The following FANCB variants were observed in gnomAD, a reference collection of about 807,000 sequenced individuals.
FANCB encodes Fanconi anemia group B protein.
In FANCB, 5 loss-of-function variants were observed where a neutral mutation model predicts 38.9. The ratio of observed to expected loss-of-function variants is 0.13; its 90% CI spans 0.07 to 0.27. FANCB has a LOEUF of 0.27. Ranked by LOEUF, FANCB falls within the 10% of genes least tolerant of loss-of-function variation. FANCB has a pLI of 1.00. For missense variants in FANCB, 573 were observed against 602.7 expected, an observed-to-expected ratio of 0.95 and a Z score of 0.52; for synonymous variants, 236 against 215.4, an observed-to-expected ratio of 1.10 and a Z score of -0.84.
At chrX:14,733,528 C>T in the FANCB span, among the ~76,000 whole-genome samples, 1 of 111,455 alleles carries the variant, frequency 9.0e-6, no homozygotes, top group Non-Finnish European at 1.9e-5. Flanking sequence ...CATTTGTGTC[C>T]TCTCTCATTT....
the FANCB span, among the ~76,000 whole-genome samples, chrX:14,796,661 T>C: frequency 0.23 from 19,731 of 87,473 alleles, 1,859 homozygotes; most frequent in Middle Eastern, 0.32. Context: ...AGTGCATATA[T>C]ACACACACAC....
the FANCB span, among the ~76,000 whole-genome samples, chrX:14,743,572 CTTTCTT>C: frequency 1.4e-5 from 1 of 70,201 alleles, no homozygotes; most frequent in East Asian, 3.2e-4. Context: ...TTGTGTATTT[CTTTCTT>C]TTTTTTTTTT....
intron 1 of FANCB, among the ~76,000 whole-genome samples, chrX:14,870,359 G>A (rs988305391): frequency 2.7e-5 from 3 of 110,792 alleles, no homozygotes; most frequent in Non-Finnish European, 5.7e-5. Context: ...TACTATTCTA[G>A]CCTATGGGCT....
the FANCB span, among the ~76,000 whole-genome samples, chrX:14,727,842 C>T: frequency 9.0e-6 from 1 of 111,599 alleles, no homozygotes; most frequent in Admixed American, 9.5e-5. Context: ...TTTAGTTTGG[C>T]CCCTTCCACC....
chrX:14,766,726 T>C, the FANCB span, among the ~76,000 whole-genome samples: 2 of 110,627 alleles, frequency 1.8e-5, no homozygotes, highest in African/African-American at 6.6e-5. Flanking sequence ...GTGCAGGATG[T>C]GCAGGTTTGT....
At chrX:14,836,973 A>C (rs749306796) in intron 10 of FANCB, among the ~76,000 whole-genome samples, 46 of 112,135 alleles carry the variant, frequency 4.1e-4, no homozygotes, top group African/African-American at 1.5e-3. Context: ...AAAACCAACA[A>C]GAGTCTTAAA....
intron 2 of FANCB, among the ~76,000 whole-genome samples, chrX:14,866,298 G>A (rs952551146): frequency 1.8e-5 from 2 of 112,041 alleles, no homozygotes; most frequent in Non-Finnish European, 3.8e-5. Flanking sequence ...TTATTACAAT[G>A]AACACAAGAA....
chrX:14,756,502 G>C, the FANCB span, among the ~76,000 whole-genome samples: 47 of 111,512 alleles, frequency 4.2e-4, no homozygotes, highest in African/African-American at 1.5e-3. Context: ...AAATAATTTA[G>C]ATTTTGAAAT....
At chrX:14,848,416 G>A (rs2092386179) in intron 7 of FANCB, among the ~76,000 whole-genome samples, 1 of 111,367 alleles carries the variant, frequency 9.0e-6, no homozygotes, top group Admixed American at 9.5e-5. Context: ...ACGCACAGGG[G>A]GCGCCTGTCC....
the FANCB span, among the ~76,000 whole-genome samples, chrX:14,776,575 G>A: frequency 2.7e-5 from 3 of 112,411 alleles, no homozygotes; most frequent in African/African-American, 9.7e-5. Flanking sequence ...GGACTGTGAA[G>A]GCTGGCTGAG....
chrX:14,713,596 G>A, the FANCB span, among the ~76,000 whole-genome samples: 10 of 112,117 alleles, frequency 8.9e-5, no homozygotes, highest in East Asian at 2.0e-3. Flanking sequence ...CATTTAAAAT[G>A]TGGTGCTGTA....
the FANCB span, among the ~76,000 whole-genome samples, chrX:14,820,759 A>G: frequency 9.2e-6 from 1 of 109,010 alleles, no homozygotes; most frequent in Non-Finnish European, 1.9e-5. Context: ...CCAGATCTTT[A>G]TAAAAAAAAT....
At chrX:14,816,531 A>G in the FANCB span, among the ~76,000 whole-genome samples, 14 of 111,932 alleles carry the variant, frequency 1.3e-4, no homozygotes, top group Middle Eastern at 9.2e-3. Context: ...TTAACCTATC[A>G]TAGGGTTTCT....
At chrX:14,754,329 T>C in the FANCB span, among the ~76,000 whole-genome samples, 1 of 112,295 alleles carries the variant, frequency 8.9e-6, no homozygotes, top group Non-Finnish European at 1.9e-5. Context: ...CCTACCAATA[T>C]TGAAGCACAA....
At chrX:14,836,951 G>A (rs1015229514) in intron 10 of FANCB, among the ~76,000 whole-genome samples, 1 of 111,865 alleles carries the variant, frequency 8.9e-6, no homozygotes, top group Non-Finnish European at 1.9e-5. Flanking sequence ...CATTAAGACT[G>A]CAAGCTTTCT....
chrX:14,834,503 G>A, downstream of FANCB: 1 of 506,037 alleles, frequency 2.0e-6, no homozygotes, highest in South Asian at 2.3e-5. Context: ...CAGAGATCTT[G>A]AATAGCCTCC....
chrX:14,857,371 T>A (rs751294250), intron 5 of FANCB, among the ~76,000 whole-genome samples: 1 of 112,404 alleles, frequency 8.9e-6, no homozygotes, highest in Non-Finnish European at 1.9e-5. Flanking sequence ...ATCATTAGGT[T>A]TTTTTTATTT....
chrX:14,690,836 A>G, the FANCB span: 1 of 1,208,971 alleles, frequency 8.3e-7, no homozygotes, highest in African/African-American at 1.7e-5. Context: ...GCGCCTCCGA[A>G]GAAGACAGAA....
Position 14,850,280 on chromosome X carries a change from G to A in FANCB, c.1496+225C>T, listed in dbSNP as rs749212878. 4.5e-5 allele frequency among the ~76,000 whole-genome samples: 5 copies of A among 111,936 alleles called. No homozygotes were observed. In the South Asian group the frequency reaches 1.1e-3, roughly 25 times the overall value. On this transcript the variant is annotated intron_variant, in intron 7 of 9. Transcript: ENST00000650831. ...CATAAGAATTGCTTGATCCCAGGAG[G>A]TGGAGGTTGCAGTGAGCCGAGATCA...
Sources: allele counts gnomAD v4.1 joint callset (sites outside exome capture counted in the v4.1 genomes callset), GRCh38; gene constraint gnomAD v4.1.1; transcripts MANE v1.5; gene names NCBI Gene and HGNC (gene_info 2026-07-23, HGNC 2026-07-21).